The following TLK1 variants were observed in gnomAD, a reference collection of about 807,000 sequenced individuals.
TLK1 encodes the protein serine/threonine-protein kinase tousled-like 1.
In TLK1, 24 loss-of-function variants were observed where a neutral mutation model predicts 105.3. The ratio of observed to expected loss-of-function variants is 0.23; its 90% confidence interval spans 0.17 to 0.32. TLK1 has a LOEUF of 0.32. Ranked by LOEUF, TLK1 falls within the 10% of genes least tolerant of loss-of-function variation. TLK1 has a pLI of 1.00. For synonymous variants in TLK1, 321 were observed against 310.4 expected, an observed-to-expected ratio of 1.03 and a Z score of -0.36; for missense variants, 558 against 910.5, an observed-to-expected ratio of 0.61 and a Z score of 4.98.
intron 12 of TLK1, among the ~76,000 whole-genome samples, chr2:171,022,502 C>T (rs1685577112): frequency 6.6e-6 from 1 of 152,076 alleles, no homozygotes; most frequent in African/African-American, 2.4e-5. Context: ...CGACTTTTTC[C>T]AGTATAGTAT....
chr2:171,076,355 A>G (rs1688504788), intron 3 of TLK1, among the ~76,000 whole-genome samples: 1 of 152,024 alleles, frequency 6.6e-6, no homozygotes, highest in African/African-American at 2.4e-5. Context: ...TCTGTCTCAC[A>G]CGCTCACTTC....
At chr2:171,114,762 G>C (rs918770717) in intron 2 of TLK1, among the ~76,000 whole-genome samples, 1 of 152,056 alleles carries the variant, frequency 6.6e-6, no homozygotes, top group Non-Finnish European at 1.5e-5. Context: ...CTGACCCCAG[G>C]AGGCAGAAGG....
chr2:171,003,805 T>C (rs981303507), intron 18 of TLK1, among the ~76,000 whole-genome samples: 3 of 152,242 alleles, frequency 2.0e-5, no homozygotes, highest in Non-Finnish European at 4.4e-5. Context: ...CAACTGCAAA[T>C]AGCACCAGGT....
At chr2:171,108,426 T>A (rs1010687910) in intron 2 of TLK1, among the ~76,000 whole-genome samples, 1 of 151,960 alleles carries the variant, frequency 6.6e-6, no homozygotes. Context: ...AGGAAAAAAA[T>A]TCATTTGTCC....
intron 6 of TLK1, among the ~76,000 whole-genome samples, chr2:171,055,590 A>G (rs965914108): frequency 1.3e-5 from 2 of 152,106 alleles, no homozygotes; most frequent in Admixed American, 6.5e-5. Flanking sequence ...CAATTTATCA[A>G]TGAATTTCAT....
At chr2:171,190,293 A>G (rs1693120144) in intron 1 of TLK1, among the ~76,000 whole-genome samples, 1 of 152,050 alleles carries the variant, frequency 6.6e-6, no homozygotes, top group Non-Finnish European at 1.5e-5. Context: ...TTTTCAGGAA[A>G]ACTCCTGCTG....
At chr2:171,015,501 A>T (rs1354890360) in intron 12 of TLK1, among the ~76,000 whole-genome samples, 7 of 150,084 alleles carry the variant, frequency 4.7e-5, no homozygotes, top group African/African-American at 1.7e-4. Context: ...ATACATTACA[A>T]CAAAAAATTT....
At chr2:171,040,478 C>CCCT (rs1258340809) in intron 11 of TLK1, among the ~76,000 whole-genome samples, 2 of 151,998 alleles carry the variant, frequency 1.3e-5, no homozygotes, top group Non-Finnish European at 2.9e-5. Context: ...TGTACTACTG[C>CCCT]CCTCCTCCTC....
chr2:171,108,693 T>C (rs1274159067), intron 2 of TLK1, among the ~76,000 whole-genome samples: 1 of 151,848 alleles, frequency 6.6e-6, no homozygotes, highest in East Asian at 1.9e-4. Context: ...AGCCTCAACC[T>C]CCTGAGCTCA....
intron 1 of TLK1, among the ~76,000 whole-genome samples, chr2:171,119,608 A>G (rs1362574351): frequency 2.0e-5 from 3 of 152,262 alleles, no homozygotes; most frequent in Non-Finnish European, 4.4e-5. Context: ...AGAATATGGT[A>G]CTGGCATAAA....
At position 171,209,873 on chromosome 2, in the gene TLK1, A is replaced by C. The variant is rs535790619; in HGVS notation, c.-6+21272T>G. 2.6e-5 allele frequency among the ~76,000 whole-genome samples: 4 copies of C among 152,316 alleles called. No homozygotes were observed. In the South Asian group the frequency reaches 8.3e-4, roughly 32 times the overall value. On this transcript the variant is annotated intron_variant, in intron 1 of 20. Coordinates refer to the TLK1 transcript ENST00000521943. Reference sequence around the variant, plus strand: ...CTTCTAGCCTCCAGAATTGAAAGAAAATAAATTTTTGTCATTTCAGCTACC... The same window carrying C: ...CTTCTAGCCTCCAGAATTGAAAGAACATAAATTTTTGTCATTTCAGCTACC...
chr2:171,126,041 A>C (rs929130838), intron 1 of TLK1, among the ~76,000 whole-genome samples: 2 of 152,208 alleles, frequency 1.3e-5, no homozygotes, highest in East Asian at 3.8e-4. Flanking sequence ...ATAAATGTTT[A>C]TAATTTTGAA....
At chr2:171,208,323 T>A (rs1156366663) in intron 1 of TLK1, among the ~76,000 whole-genome samples, 1 of 149,458 alleles carries the variant, frequency 6.7e-6, no homozygotes, top group Non-Finnish European at 1.5e-5. Context: ...TTCTAAATAA[T>A]CCTTCAAATT....
At chr2:171,079,852 G>A (rs1293456050) in intron 3 of TLK1, among the ~76,000 whole-genome samples, 3 of 152,102 alleles carry the variant, frequency 2.0e-5, no homozygotes, top group Non-Finnish European at 4.4e-5. Context: ...AGGAGAAAAC[G>A]AAGTACAGAA....
At chr2:171,144,387 A>G (rs1691710445) in intron 1 of TLK1, among the ~76,000 whole-genome samples, 1 of 152,208 alleles carries the variant, frequency 6.6e-6, no homozygotes, top group Non-Finnish European at 1.5e-5. Context: ...AAAAGCACAC[A>G]TGGAACATTC....
chr2:171,126,239 A>C (rs1381408201), intron 1 of TLK1, among the ~76,000 whole-genome samples: 1 of 152,154 alleles, frequency 6.6e-6, no homozygotes, highest in Non-Finnish European at 1.5e-5. Context: ...CAAATTAGAG[A>C]TCAATCACAT....
intron 1 of TLK1, among the ~76,000 whole-genome samples, chr2:171,196,268 C>G (rs1216478883): frequency 2.0e-5 from 3 of 151,888 alleles, no homozygotes; most frequent in South Asian, 2.1e-4. Flanking sequence ...AGGTGCCCAC[C>G]ACCATGCCCA....
intron 12 of TLK1, among the ~76,000 whole-genome samples, chr2:171,022,086 A>AAAACACACACACAC (rs1553605634): frequency 2.9e-5 from 3 of 103,010 alleles, no homozygotes; most frequent in African/African-American, 9.0e-5. Flanking sequence ...CTGGGCGAAA[A>AAAACACACACACAC]ACACACACAC....
intron 1 of TLK1, among the ~76,000 whole-genome samples, chr2:171,129,992 T>C (rs1691034683): frequency 6.6e-6 from 1 of 152,254 alleles, no homozygotes; most frequent in African/African-American, 2.4e-5. Context: ...AATTGATTTC[T>C]GTGGACATTT....
Sources: allele counts gnomAD v4.1 joint callset (sites outside exome capture counted in the v4.1 genomes callset), GRCh38; gene constraint gnomAD v4.1.1; transcripts MANE v1.5; gene names NCBI Gene and HGNC (gene_info 2026-07-23, HGNC 2026-07-21).